CNBD1: variants seen among roughly 807,000 people sequenced by gnomAD.
CNBD1 encodes cyclic nucleotide-binding domain-containing protein 1.
CNBD1 carries 71 observed loss-of-function variants against 54.4 expected under a neutral mutation model. The ratio of observed to expected loss-of-function variants is 1.30; its 90% CI spans 1.08 to 1.59. CNBD1 has a LOEUF of 1.59. CNBD1 is among the 40% of genes most tolerant of loss of function. The pLI is 0.00. For synonymous variants in CNBD1, 182 were observed against 170.7 expected, an observed-to-expected ratio of 1.07 and a Z score of -0.51; for missense variants, 659 against 518.0, an observed-to-expected ratio of 1.27 and a Z score of -2.64.
chr8:87,308,305 GC>G (rs1243066278), intron 8 of CNBD1, among the ~76,000 whole-genome samples: 2 of 151,988 alleles, frequency 1.3e-5, no homozygotes, highest in African/African-American at 4.8e-5. Context: ...TGTGTCACTT[GC>G]AATTTTTACC....
At chr8:87,266,182 T>C (rs966939487) in intron 6 of CNBD1, among the ~76,000 whole-genome samples, 1 of 151,670 alleles carries the variant, frequency 6.6e-6, no homozygotes, top group East Asian at 1.9e-4. Context: ...TGCAATTCCA[T>C]TGGAAAAAAA....
At chr8:86,914,340 C>G (rs992942757) in intron 3 of CNBD1, among the ~76,000 whole-genome samples, 2 of 152,148 alleles carry the variant, frequency 1.3e-5, no homozygotes, top group Non-Finnish European at 2.9e-5. Context: ...GTTCAGGGTC[C>G]CTGACTTCCC....
chr8:87,120,282 T>A (rs1184495888), intron 4 of CNBD1, among the ~76,000 whole-genome samples: 3 of 152,108 alleles, frequency 2.0e-5, no homozygotes, highest in Non-Finnish European at 2.9e-5. Context: ...TTTCTATTAC[T>A]TCCTGATTCA....
At chr8:87,254,532 T>C (rs1031480790) in intron 6 of CNBD1, among the ~76,000 whole-genome samples, 1 of 152,204 alleles carries the variant, frequency 6.6e-6, no homozygotes, top group Non-Finnish European at 1.5e-5. Context: ...TTGGTTTCAA[T>C]GTAGAGGATT....
chr8:86,924,735 T>G (rs1286693893), intron 3 of CNBD1, among the ~76,000 whole-genome samples: 1 of 152,204 alleles, frequency 6.6e-6, no homozygotes, highest in Admixed American at 6.6e-5. Flanking sequence ...TTGCTATATA[T>G]TAAAGCTTGT....
chr8:87,339,000 C>A (rs1407423785), intron 8 of CNBD1, among the ~76,000 whole-genome samples: 3 of 152,076 alleles, frequency 2.0e-5, no homozygotes, highest in Non-Finnish European at 4.4e-5. Flanking sequence ...TTAGGTGGGA[C>A]CAGAGGCCTA....
intron 4 of CNBD1, among the ~76,000 whole-genome samples, chr8:87,102,861 G>A (rs1399520894): frequency 2.6e-5 from 4 of 152,146 alleles, no homozygotes; most frequent in Non-Finnish European, 2.9e-5. Context: ...TGATCCGCCC[G>A]CCTCAGCTTC....
intron 6 of CNBD1, among the ~76,000 whole-genome samples, chr8:87,281,543 T>G (rs1029017794): frequency 0.13 from 32 of 248 alleles, no homozygotes; most frequent in East Asian, 0.42. Flanking sequence ...TAGGCTAAGA[T>G]ATATATATAT....
intron 8 of CNBD1, among the ~76,000 whole-genome samples, chr8:87,297,498 A>G (rs540483602): frequency 2.0e-5 from 3 of 152,308 alleles, no homozygotes; most frequent in African/African-American, 7.2e-5. Context: ...GATATACGAT[A>G]TGAATTTTTA....
chr8:87,223,220 T>A (rs1363518247), intron 5 of CNBD1, among the ~76,000 whole-genome samples: 3 of 150,048 alleles, frequency 2.0e-5, no homozygotes, highest in Non-Finnish European at 4.4e-5. Context: ...CTGAAGTTTT[T>A]TTTTTTAATT....
intron 4 of CNBD1, among the ~76,000 whole-genome samples, chr8:87,064,976 A>G (rs1324295997): frequency 1.3e-5 from 2 of 151,942 alleles, no homozygotes; most frequent in South Asian, 2.1e-4. Flanking sequence ...TGTTTCATCA[A>G]TTGTCTCTCC....
At chr8:87,289,469 T>A (rs573210379) in intron 8 of CNBD1, among the ~76,000 whole-genome samples, 5 of 152,248 alleles carry the variant, frequency 3.3e-5, no homozygotes, top group African/African-American at 1.2e-4. Flanking sequence ...CTTAGGTCAC[T>A]AATCAACCTG....
chr8:87,300,132 T>TA lies in CNBD1; in HGVS notation c.1042+13467dup, dbSNP rs1171785948. Among the ~76,000 whole-genome samples the TA allele has an allele frequency of 2.6e-5, 4 of 152,300 alleles. No homozygotes were observed. In the East Asian group the frequency reaches 7.7e-4, roughly 29 times the overall value. On this transcript the variant is annotated intron_variant, in intron 8 of 10. Coordinates refer to ENST00000518476, the MANE Select transcript of CNBD1 (RefSeq NM_173538.3). ...CCATAAGTCAGCATCACTTGCAGTT[T>TA]AAAAAATATAAATATGATATCAAAA...
chr8:87,241,845 A>T (rs538380955), intron 6 of CNBD1, among the ~76,000 whole-genome samples: 1 of 152,318 alleles, frequency 6.6e-6, no homozygotes, highest in South Asian at 2.1e-4. Context: ...AGATAAGAAA[A>T]GGCAATGGTT....
intron 5 of CNBD1, among the ~76,000 whole-genome samples, chr8:87,233,342 C>A (rs946124116): frequency 2.6e-5 from 4 of 152,102 alleles, no homozygotes; most frequent in Non-Finnish European, 5.9e-5. Flanking sequence ...AGTTTCAGAG[C>A]ACTGCAACAA....
At chr8:87,189,512 T>C (rs1307514590) in intron 4 of CNBD1, among the ~76,000 whole-genome samples, 1 of 152,076 alleles carries the variant, frequency 6.6e-6, no homozygotes, top group Non-Finnish European at 1.5e-5. Flanking sequence ...CCTCTCTCTC[T>C]ACAAGAAAAA....
intron 2 of CNBD1, among the ~76,000 whole-genome samples, chr8:87,390,042 C>A (rs1811275637): frequency 6.6e-6 from 1 of 150,670 alleles, no homozygotes; most frequent in Admixed American, 6.6e-5. Flanking sequence ...ACAGGCTAGC[C>A]ATATGTAGAA....
At chr8:87,183,310 G>C (rs1049333631) in intron 4 of CNBD1, among the ~76,000 whole-genome samples, 1 of 149,896 alleles carries the variant, frequency 6.7e-6, no homozygotes, top group Non-Finnish European at 1.5e-5. Flanking sequence ...TAGGCTTGTA[G>C]TTTGAAATCA....
chr8:86,971,277 C>G (rs1271628983), intron 4 of CNBD1, among the ~76,000 whole-genome samples: 1 of 152,062 alleles, frequency 6.6e-6, no homozygotes, highest in Non-Finnish European at 1.5e-5. Context: ...AGTGGACTGC[C>G]AAACATTTTT....
Sources: gnomAD v4.1 joint callset for allele counts (sites outside exome capture counted in the v4.1 genomes callset) on GRCh38, gnomAD v4.1.1 for gene constraint, MANE v1.5 for transcripts, NCBI Gene and HGNC (gene_info 2026-07-23, HGNC 2026-07-21) for gene names.